TTC29: variants seen among roughly 807,000 people sequenced by gnomAD.
TTC29 encodes tetratricopeptide repeat domain 29, also known as tetratricopeptide repeat protein 29.
In TTC29, 49 loss-of-function variants were observed where a neutral mutation model predicts 58.1. That is an observed-to-expected ratio of 0.84 (90% CI 0.67 to 1.07). The LOEUF (loss-of-function observed/expected upper bound fraction) is 1.07. TTC29 is among the 50% of genes least tolerant of loss of function. TTC29 has a pLI of 0.00. For missense variants in TTC29, 582 were observed against 555.6 expected (o/e 1.05, Z -0.48); for synonymous variants, 209 against 196.8 (o/e 1.06, Z -0.52).
intron 8 of TTC29, among the ~76,000 whole-genome samples, chr4:146,852,367 C>T (rs17609956): frequency 0.07 from 10,593 of 152,230 alleles, 480 homozygotes; most frequent in Admixed American, 0.13. Context: ...TTACTGACAA[C>T]TCTACCAATT....
intron 8 of TTC29, among the ~76,000 whole-genome samples, chr4:146,858,880 A>G (rs184620429): frequency 7.9e-5 from 12 of 152,308 alleles, no homozygotes; most frequent in African/African-American, 2.6e-4. Flanking sequence ...GAGCCCATCA[A>G]TTAATGATGT....
At chr4:146,915,266 C>T (rs1474975522) in intron 4 of TTC29, among the ~76,000 whole-genome samples, 1 of 152,098 alleles carries the variant, frequency 6.6e-6, no homozygotes, top group Admixed American at 6.6e-5. Flanking sequence ...TTCTTCTCCT[C>T]CTCCACACAA....
intron 11 of TTC29, among the ~76,000 whole-genome samples, chr4:146,713,150 G>A (rs1266841393): frequency 6.7e-6 from 1 of 149,962 alleles, no homozygotes; most frequent in East Asian, 2.0e-4. Context: ...GTAAGAGGTG[G>A]GGGAGGGGAA....
chr4:146,739,800 T>C (rs1744991657), intron 11 of TTC29, among the ~76,000 whole-genome samples: 1 of 152,160 alleles, frequency 6.6e-6, no homozygotes, highest in Non-Finnish European at 1.5e-5. Flanking sequence ...TAGATGGCGG[T>C]AATAGGTAGT....
chr4:146,723,463 G>A (rs1743528805), intron 11 of TTC29, among the ~76,000 whole-genome samples: 1 of 152,018 alleles, frequency 6.6e-6, no homozygotes, highest in Admixed American at 6.6e-5. Context: ...ACAAATGGGA[G>A]AAAATATTCA....
intron 5 of TTC29, among the ~76,000 whole-genome samples, chr4:146,908,745 G>C (rs966641539): frequency 1.3e-5 from 2 of 152,144 alleles, no homozygotes; most frequent in African/African-American, 4.8e-5. Context: ...CTAATGATAG[G>C]AACTATGTTA....
In TTC29 at chr4:146,895,521, T is replaced by C. The variant is rs74449258; in HGVS notation, c.586+8023A>G. ...CGACTGGTGAAATTCTTTACTTTCA[T>C]CTTCTCTGGACTCAGTTCTCAAGGA... On this transcript the variant is annotated intron_variant, in intron 6 of 12. Coordinates refer to ENST00000325106, the MANE Select transcript of TTC29 (RefSeq NM_031956.4). Among the ~76,000 whole-genome samples, 622 of 132,200 alleles carry C rather than the reference T, an allele frequency of 4.7e-3. 6 individuals carry two copies. The highest frequency in any genetic ancestry group is 0.025 in the African/African-American group (562 of 22,742). 86.7% of individuals were successfully genotyped at this position (132,200 alleles called of 152,430 possible). A position where few individuals can be genotyped will look rare whatever the true frequency, so the allele number is the denominator to read the frequency against.
At chr4:146,901,088 T>C (rs2150267230) in intron 6 of TTC29, among the ~76,000 whole-genome samples, 1 of 152,296 alleles carries the variant, frequency 6.6e-6, no homozygotes, top group South Asian at 2.1e-4. Context: ...AGACAGAATT[T>C]GATGGTGTAA....
chr4:146,912,950 T>C lies in TTC29; in HGVS notation c.177-3701A>G, dbSNP rs532760366. ...ACAACCAGGTTTTGGGATTGGGTAA[T>C]GGGTAATTAGTAATTTGCTGAAGAG... On this transcript the variant is annotated intron_variant, in intron 4 of 12. Transcript: ENST00000325106. Among the ~76,000 whole-genome samples the C allele has an allele frequency of 3.4e-4, 52 of 152,148 alleles. No individual in the cohort carries two copies. In the South Asian group the frequency reaches 9.1e-3, roughly 27 times the overall value.
At chr4:146,935,729 A>G (rs896125827) in intron 4 of TTC29, among the ~76,000 whole-genome samples, 1 of 152,202 alleles carries the variant, frequency 6.6e-6, no homozygotes, top group African/African-American at 2.4e-5. Flanking sequence ...TTTACAATAA[A>G]ATATCATTGT....
At chr4:146,710,234 C>T (rs1010040693) in intron 11 of TTC29, among the ~76,000 whole-genome samples, 23 of 152,130 alleles carry the variant, frequency 1.5e-4, no homozygotes, top group Non-Finnish European at 2.9e-5. Flanking sequence ...CTATTATATA[C>T]TATAGCGTAT....
At chr4:146,823,852 T>C (rs1752004789) in intron 9 of TTC29, among the ~76,000 whole-genome samples, 3 of 152,220 alleles carry the variant, frequency 2.0e-5, no homozygotes, top group South Asian at 4.1e-4. Flanking sequence ...TATTTTATTC[T>C]CTTTGTAGCA....
chr4:146,707,326 T>C (rs1422391961), intron 12 of TTC29, 138 bp from the exon 13 acceptor site: 7 of 785,784 alleles, frequency 8.9e-6, no homozygotes, highest in Non-Finnish European at 1.4e-5. Context: ...ATGTGACATT[T>C]GAAAATAAAT....
chr4:146,769,086 C>T (rs74499886), intron 11 of TTC29, among the ~76,000 whole-genome samples: 27 of 151,990 alleles, frequency 1.8e-4, no homozygotes, highest in Non-Finnish European at 2.8e-4. Flanking sequence ...TAACTTTCAG[C>T]GACAAAATGG....
chr4:146,901,567 T>C (rs953021142), intron 6 of TTC29, among the ~76,000 whole-genome samples: 2 of 152,190 alleles, frequency 1.3e-5, no homozygotes, highest in African/African-American at 4.8e-5. Flanking sequence ...CACCTTCCAC[T>C]CACTGTGTTC....
chr4:146,813,699 A>G (rs953696968), intron 10 of TTC29, among the ~76,000 whole-genome samples: 1 of 152,184 alleles, frequency 6.6e-6, no homozygotes, highest in Non-Finnish European at 1.5e-5. Context: ...AATGAAATAG[A>G]GGCTGGGCAT....
At chr4:146,750,905 C>G (rs1579589696) in intron 11 of TTC29, among the ~76,000 whole-genome samples, 1 of 152,246 alleles carries the variant, frequency 6.6e-6, no homozygotes, top group East Asian at 1.9e-4. Flanking sequence ...ATTAAATTAT[C>G]CAATCAAAAG....
chr4:146,828,160 T>A (rs1727929678), intron 9 of TTC29, among the ~76,000 whole-genome samples: 1 of 152,172 alleles, frequency 6.6e-6, no homozygotes, highest in Non-Finnish European at 1.5e-5. Context: ...CATAGGTCAA[T>A]TCTCCAGAAA....
chr4:146,837,687 G>T (rs1382374638), intron 8 of TTC29, among the ~76,000 whole-genome samples: 1 of 151,994 alleles, frequency 6.6e-6, no homozygotes, highest in African/African-American at 2.4e-5. Context: ...TCTGAGGGGT[G>T]CACTGCACTT....
Sources: allele counts gnomAD v4.1 joint callset (sites outside exome capture counted in the v4.1 genomes callset), GRCh38; gene constraint gnomAD v4.1.1; transcripts MANE v1.5; gene names NCBI Gene and HGNC (gene_info 2026-07-23, HGNC 2026-07-21).